The following PDLIM5 variants were observed in gnomAD, a reference collection of about 807,000 sequenced individuals.
PDLIM5 encodes PDZ and LIM domain protein 5.
PDLIM5 carries 34 observed loss-of-function variants against 64.2 expected under a neutral mutation model. The observed-to-expected ratio is 0.53, with a 90% CI of 0.40 to 0.71. The LOEUF (loss-of-function observed/expected upper bound fraction) is 0.71. Among genes scored for constraint, PDLIM5 ranks in the 30% least tolerant of loss-of-function variants. The pLI is 0.00. For synonymous variants in PDLIM5, 253 were observed against 269.1 expected, an observed-to-expected ratio of 0.94 and a Z score of 0.59; for missense variants, 683 against 733.6, an observed-to-expected ratio of 0.93 and a Z score of 0.80.
At chr4:94,582,542 TG>T (rs1735816822) in intron 5 of PDLIM5, 1 of 538,920 alleles carries the variant, frequency 1.9e-6, no homozygotes, top group African/African-American at 1.9e-5. Flanking sequence ...ATAATTATTT[TG>T]AAGCATGATG....
chr4:94,542,773 C>T (rs1731935951), intron 3 of PDLIM5, among the ~76,000 whole-genome samples: 1 of 152,068 alleles, frequency 6.6e-6, no homozygotes, highest in African/African-American at 2.4e-5. Flanking sequence ...GGAGCGAATG[C>T]TACTTTTCCA....
intron 5 of PDLIM5, chr4:94,582,483 T>C (rs1195891571): frequency 2.1e-6 from 1 of 478,692 alleles, no homozygotes; most frequent in African/African-American, 2.0e-5. Flanking sequence ...ATTATAACAG[T>C]GTAGTAGAAT....
chr4:94,657,599 T>A (rs754142327), intron 11 of PDLIM5, 52 bp downstream of exon 11: 1 of 1,390,824 alleles, frequency 7.2e-7, no homozygotes, highest in Non-Finnish European at 1.0e-6. Context: ...GGTAAAACAT[T>A]AACCCTTATA....
At chr4:94,537,853 A>T (rs1442856656) in intron 3 of PDLIM5, among the ~76,000 whole-genome samples, 1 of 152,198 alleles carries the variant, frequency 6.6e-6, no homozygotes, top group Non-Finnish European at 1.5e-5. Context: ...TTGTCTGCAC[A>T]CATCTTTTTA....
Position 94,618,143 on chromosome 4 carries a change from T to C in PDLIM5, c.1060T>C (p.Ser354Pro). The change falls in exon 8 of 13, where the codon TCC (serine) becomes CCC (proline). Residue 354 changes from serine (S) to proline (P), a missense_variant. Transcript: ENST00000317968. ...TGCAGCTGCCTTCAAGCCTGTAGGA[T>C]CCACTGGCGTCATCAAGTCACCAAG... is the stretch of plus-strand genomic sequence containing the variant. ...TAAAAFKPVGSTGVIKSPSWQ... is the reference protein window; with the variant it reads ...TAAAAFKPVGPTGVIKSPSWQ... The C allele has an allele frequency of 6.2e-7, 1 of 1,609,774 alleles. No individual in the cohort carries two copies. Among genetic ancestry groups the C allele is most frequent in the Non-Finnish European group, 8.5e-7 (1 of 1,178,158 alleles).
intron 7 of PDLIM5, among the ~76,000 whole-genome samples, chr4:94,609,547 A>G (rs1281038412): frequency 1.3e-5 from 2 of 152,186 alleles, no homozygotes; most frequent in African/African-American, 4.8e-5. Flanking sequence ...TTTTGATCAT[A>G]TTCACTGTAA....
chr4:94,591,690 C>CT (rs1245372294), intron 7 of PDLIM5, among the ~76,000 whole-genome samples: 1 of 152,244 alleles, frequency 6.6e-6, no homozygotes. Flanking sequence ...TCCTGAGCTG[C>CT]TGTGGTATCA....
At chr4:94,570,636 T>G (rs972668436) in intron 3 of PDLIM5, among the ~76,000 whole-genome samples, 3 of 152,232 alleles carry the variant, frequency 2.0e-5, no homozygotes, top group Non-Finnish European at 4.4e-5. Flanking sequence ...CAATAAAGTG[T>G]GAGGAAACTG....
chr4:94,525,446 A>G (rs571588767), intron 3 of PDLIM5, among the ~76,000 whole-genome samples: 2 of 152,130 alleles, frequency 1.3e-5, no homozygotes, highest in East Asian at 1.9e-4. Flanking sequence ...ATTAAAAAAA[A>G]AGAGGGAAAT....
At chr4:94,505,921 C>A (rs947997926) in intron 2 of PDLIM5, among the ~76,000 whole-genome samples, 1 of 152,150 alleles carries the variant, frequency 6.6e-6, no homozygotes, top group African/African-American at 2.4e-5. Flanking sequence ...CATTGGTGAT[C>A]AACTCAAACT....
chr4:94,589,071 A>G (rs928196650), intron 7 of PDLIM5, among the ~76,000 whole-genome samples: 1 of 152,164 alleles, frequency 6.6e-6, no homozygotes, highest in African/African-American at 2.4e-5. Flanking sequence ...AAGAAAATCT[A>G]CTTTCTTAGA....
intron 4 of PDLIM5, among the ~76,000 whole-genome samples, chr4:94,574,582 A>T (rs543429001): frequency 1.1e-4 from 17 of 151,838 alleles, no homozygotes; most frequent in African/African-American, 4.1e-4. Context: ...ATGATTTTTC[A>T]AAAATTTGAT....
intron 8 of PDLIM5, among the ~76,000 whole-genome samples, chr4:94,638,703 T>C (rs1740768000): frequency 6.6e-6 from 1 of 152,246 alleles, no homozygotes; most frequent in African/African-American, 2.4e-5. Flanking sequence ...TTTTGGACTA[T>C]TTTCACATGC....
intron 5 of PDLIM5, among the ~76,000 whole-genome samples, chr4:94,580,041 C>T (rs921404025): frequency 2.0e-5 from 3 of 152,204 alleles, no homozygotes; most frequent in East Asian, 3.9e-4. Flanking sequence ...AAAGTCCACA[C>T]ATCTTTGAAA....
chr4:94,508,581 T>C (rs1353376897), intron 2 of PDLIM5, among the ~76,000 whole-genome samples: 1 of 152,112 alleles, frequency 6.6e-6, no homozygotes, highest in African/African-American at 2.4e-5. Flanking sequence ...ACATACTTAG[T>C]AGAAAATGCA....
intron 5 of PDLIM5, chr4:94,577,431 C>G: frequency 2.2e-6 from 1 of 454,696 alleles, no homozygotes; most frequent in South Asian, 1.6e-5. Flanking sequence ...GCTGTACATA[C>G]GGTCTTGAGG....
intron 3 of PDLIM5, among the ~76,000 whole-genome samples, chr4:94,533,296 T>G (rs983119070): frequency 2.0e-5 from 3 of 151,668 alleles, no homozygotes; most frequent in South Asian, 4.2e-4. Context: ...ATCTTGAAAG[T>G]TTTTTTTTAA....
chr4:94,595,203 TG>T (rs1428330260), intron 7 of PDLIM5, among the ~76,000 whole-genome samples: 1 of 151,996 alleles, frequency 6.6e-6, no homozygotes, highest in Non-Finnish European at 1.5e-5. Context: ...CCTCAACACG[TG>T]GGGATTACAA....
chr4:94,567,058 A>G (rs1348846088), intron 3 of PDLIM5, among the ~76,000 whole-genome samples: 1 of 152,208 alleles, frequency 6.6e-6, no homozygotes, highest in Non-Finnish European at 1.5e-5. Flanking sequence ...CAGTGGCACA[A>G]CCTCGGCTCA....
Sources: allele counts gnomAD v4.1 joint callset (sites outside exome capture counted in the v4.1 genomes callset), GRCh38; gene constraint gnomAD v4.1.1; transcripts MANE v1.5; gene names NCBI Gene and HGNC (gene_info 2026-07-23, HGNC 2026-07-21).